The following SH3GL3 variants were observed in gnomAD, a reference collection of about 807,000 sequenced individuals.
SH3GL3 encodes endophilin-A3.
Under a neutral mutation model 47.7 loss-of-function variants are expected in SH3GL3, and 33 were observed. The ratio of observed to expected loss-of-function variants is 0.69; its 90% CI spans 0.52 to 0.92. SH3GL3 has a LOEUF of 0.92. Ranked by LOEUF, SH3GL3 falls within the 40% of genes least tolerant of loss-of-function variation. The probability of loss-of-function intolerance (pLI) is 0.00; values close to 1 mark genes in which losing one functional copy is unlikely to be tolerated. For missense variants in SH3GL3, 363 were observed against 417.8 expected (o/e 0.87, Z 1.14); for synonymous variants, 155 against 148.8 (o/e 1.04, Z -0.30).
chr15:83,620,526 A>G (rs948917745), downstream of SH3GL3, among the ~76,000 whole-genome samples: 5 of 152,256 alleles, frequency 3.3e-5, no homozygotes, highest in African/African-American at 1.2e-4. Flanking sequence ...CTCCTGGATG[A>G]CAAGGTGCAT....
intron 1 of SH3GL3, among the ~76,000 whole-genome samples, chr15:83,556,975 A>T (rs141330571): frequency 2.4e-4 from 37 of 152,366 alleles, no homozygotes; most frequent in Middle Eastern, 3.4e-3. Flanking sequence ...GGAAGCAGTC[A>T]CAGCGGACCT....
chr15:83,523,152 T>C (rs1462144672), intron 1 of SH3GL3, among the ~76,000 whole-genome samples: 2 of 152,206 alleles, frequency 1.3e-5, no homozygotes, highest in East Asian at 3.8e-4. Flanking sequence ...AGGAAAAGAA[T>C]AACATTTATT....
At chr15:83,497,603 C>A (rs118108953) in intron 1 of SH3GL3, among the ~76,000 whole-genome samples, 6 of 152,160 alleles carry the variant, frequency 3.9e-5, no homozygotes, top group Non-Finnish European at 8.8e-5. Flanking sequence ...TTGTTTAAAT[C>A]CTTCCCTTGA....
chr15:83,579,677 G>A (rs1316988328), intron 6 of SH3GL3, among the ~76,000 whole-genome samples: 2 of 152,112 alleles, frequency 1.3e-5, no homozygotes, highest in Non-Finnish European at 1.5e-5. Flanking sequence ...AGAGGCTAAG[G>A]GGGTGCTGTT....
chr15:83,624,441 G>A, the SH3GL3 span, among the ~76,000 whole-genome samples: 1 of 152,262 alleles, frequency 6.6e-6, no homozygotes, highest in Admixed American at 6.5e-5. Context: ...AGCAGGAAGC[G>A]GGGATGAAAA....
intron 1 of SH3GL3, among the ~76,000 whole-genome samples, chr15:83,506,860 C>T (rs2042527414): frequency 1.3e-5 from 2 of 152,100 alleles, no homozygotes; most frequent in South Asian, 4.2e-4. Flanking sequence ...TAAAGGCTCC[C>T]AAGGAGTGGC....
chr15:83,499,112 CT>C (rs1287899777), intron 1 of SH3GL3, among the ~76,000 whole-genome samples: 1 of 152,074 alleles, frequency 6.6e-6, no homozygotes, highest in Non-Finnish European at 1.5e-5. Flanking sequence ...GGATGGGTTG[CT>C]TTGTTCTCCG....
intron 1 of SH3GL3, among the ~76,000 whole-genome samples, chr15:83,476,789 ACTATGTGGTCC>A (rs2041118656): frequency 6.6e-6 from 1 of 152,230 alleles, no homozygotes; most frequent in Non-Finnish European, 1.5e-5. Flanking sequence ...CTGAAATACT[ACTATGTGGTCC>A]CTACAAAGAA....
At chr15:83,595,951 A>G (rs547910535) in intron 8 of SH3GL3, among the ~76,000 whole-genome samples, 7 of 152,190 alleles carry the variant, frequency 4.6e-5, no homozygotes, top group Admixed American at 3.3e-4. Context: ...TCTCTGTCTC[A>G]TTGAGTTTTC....
chr15:83,548,780 T>C lies in SH3GL3; in HGVS notation c.46-10473T>C, dbSNP rs1219644996. Among the ~76,000 whole-genome samples the C allele has an allele frequency of 3.9e-5, 6 of 152,148 alleles. No individual in the cohort carries two copies. In the East Asian group the frequency reaches 1.2e-3, roughly 29 times the overall value. ...ATGTTTATCTTCATATTTATCCTGA[T>C]TGGTATTCATAGAGAAGTTTCAATC... On this transcript the variant is annotated intron_variant, in intron 1 of 8. Coordinates refer to ENST00000427482, the MANE Select transcript of SH3GL3 (RefSeq NM_003027.5).
At position 83,588,731 on chromosome 15, in the gene SH3GL3, G is replaced by A. The variant is rs1409965544; in HGVS notation, c.798G>A (p.Glu266=). The change falls in exon 8 of 9, where the codon GAG becomes GAA. Residue 266 remains glutamate, a synonymous_variant. Transcript: ENST00000427482. The stretch of plus-strand genomic sequence containing the variant: ...GGCCTGTGAAAAGGAGTTCTAGTGA[G>A]CTCAATGGAGTTTCCACCACCTCTG... The part of the protein sequence containing the change: ...KPRPVKRSSS[E]LNGVSTTSVV... 4 of 1,611,922 alleles carry A rather than the reference G, an allele frequency of 2.5e-6. No homozygotes were observed. The highest frequency in any genetic ancestry group is 1.3e-5 in the African/African-American group (1 of 74,898).
In SH3GL3 at chr15:83,490,522, C is replaced by T. The variant is rs114498084; in HGVS notation, c.45+42944C>T. ...AAATATCCACCAAGGGCAGAGGGTG[C>T]TCTGAAGACAAACAGGAATTGAGTG... On this transcript the variant is annotated intron_variant, in intron 1 of 8. Transcript: ENST00000427482. Among the ~76,000 whole-genome samples, 172 of 152,256 alleles carry T rather than the reference C, an allele frequency of 1.1e-3. 2 individuals carry two copies. The highest frequency in any genetic ancestry group is 3.9e-3 in the African/African-American group (161 of 41,554).
intron 1 of SH3GL3, among the ~76,000 whole-genome samples, chr15:83,462,598 G>A (rs1173073506): frequency 6.6e-6 from 1 of 152,118 alleles, no homozygotes; most frequent in Non-Finnish European, 1.5e-5. Context: ...CCTTAGGCTT[G>A]GCAGAACTAT....
intron 2 of SH3GL3, among the ~76,000 whole-genome samples, chr15:83,560,306 C>T (rs1015973445): frequency 5.3e-5 from 8 of 152,180 alleles, no homozygotes; most frequent in African/African-American, 1.7e-4. Context: ...GCTCATCTTC[C>T]AGGGAGTTCT....
At chr15:83,581,421 C>T (rs1442741939) in intron 6 of SH3GL3, among the ~76,000 whole-genome samples, 1 of 152,252 alleles carries the variant, frequency 6.6e-6, no homozygotes, top group Non-Finnish European at 1.5e-5. Flanking sequence ...CAGCTTGGGC[C>T]TGGGCCCACA....
chr15:83,562,030 A>AACACACACACACACACAC (rs55856428), intron 2 of SH3GL3, among the ~76,000 whole-genome samples: 23 of 133,078 alleles, frequency 1.7e-4, no homozygotes, highest in African/African-American at 5.2e-4. Flanking sequence ...ACACACACAC[A>AACACACACACACACACAC]ACACACACAC....
At chr15:83,523,891 C>T (rs977267343) in intron 1 of SH3GL3, among the ~76,000 whole-genome samples, 1 of 143,638 alleles carries the variant, frequency 7.0e-6, no homozygotes, top group Non-Finnish European at 1.5e-5. Flanking sequence ...CCTCTGCAAA[C>T]ATCAAAATCC....
intron 1 of SH3GL3, among the ~76,000 whole-genome samples, chr15:83,531,426 G>A (rs1419995989): frequency 6.6e-6 from 1 of 152,184 alleles, no homozygotes; most frequent in African/African-American, 2.4e-5. Flanking sequence ...AATGGGAACA[G>A]CATATAAAAC....
At chr15:83,557,875 A>C (rs1269692564) in intron 1 of SH3GL3, among the ~76,000 whole-genome samples, 1 of 152,218 alleles carries the variant, frequency 6.6e-6, no homozygotes, top group Admixed American at 6.5e-5. Context: ...GTAAAGACGC[A>C]GGACAGGGAG....
Sources: allele counts gnomAD v4.1 joint callset (sites outside exome capture counted in the v4.1 genomes callset), GRCh38; gene constraint gnomAD v4.1.1; transcripts MANE v1.5; gene names NCBI Gene and HGNC (gene_info 2026-07-23, HGNC 2026-07-21).